OR10G8: variants seen among roughly 807,000 people sequenced by gnomAD.
OR10G8 encodes olfactory receptor 10G8.
For missense variants in OR10G8, 386 were observed against 384.9 expected, an observed-to-expected ratio of 1.00 and a Z score of -0.02; for synonymous variants, 173 against 163.2, an observed-to-expected ratio of 1.06 and a Z score of -0.46.
chr11:124,027,662 A>G (rs1447336052), intron 1 of OR10G8, among the ~76,000 whole-genome samples: 1 of 152,176 alleles, frequency 6.6e-6, no homozygotes, highest in African/African-American at 2.4e-5. Context: ...AAGTTCTGAT[A>G]TCCATGTTGG....
chr11:124,029,183 A>G (rs778832370), intron 1 of OR10G8, among the ~76,000 whole-genome samples: 2 of 152,154 alleles, frequency 1.3e-5, no homozygotes, highest in Non-Finnish European at 2.9e-5. Flanking sequence ...CAACAACCAC[A>G]AGAAGCTTGG....
rs1050622694 is a variant in OR10G8 at position 124,029,665 on chromosome 11, C to G, written c.43C>G (p.Leu15Val). The G allele has an allele frequency of 6.2e-7, 1 of 1,613,946 alleles. No individual in the cohort carries two copies. Among genetic ancestry groups the G allele is most frequent in the South Asian group, 1.1e-5 (1 of 91,072 alleles). ...SLLTAFILMG[L>V]PHAPALDAPL... is the part of the protein sequence containing the mutation. ...ACTGACAGCGTTCATCCTCATGGGC[C>G]TTCCCCATGCCCCAGCGCTGGACGC... Residue 15 changes from leucine (L) to valine (V), a missense_variant, in exon 2 of 2, where the codon CTT (leucine) becomes GTT (valine). Physicochemically the swap from Leu to Val is conservative, Grantham distance 32. Transcript: ENST00000641224.
chr11:124,029,377 G>A (rs371713016), intron 1 of OR10G8, among the ~76,000 whole-genome samples: 25 of 152,120 alleles, frequency 1.6e-4, no homozygotes, highest in Admixed American at 5.9e-4. Context: ...AAGACAATGC[G>A]TTTCTCCTAA....
At position 124,030,306 on chromosome 11, in the gene OR10G8, C is replaced by T. The variant is rs1446763092; in HGVS notation, c.684C>T (p.Arg228=). ...VSIVCSILRI[R]TSEGKHRAFQ... ...TCGTCTGTTCCATCCTGCGGATCCG[C>T]ACCTCAGAGGGGAAGCACAGAGCCT... Residue 228 remains arginine, a synonymous_variant, in exon 2 of 2, where the codon CGC becomes CGT. Coordinates refer to ENST00000641224, the MANE Select transcript of OR10G8 (RefSeq NM_001004464.2). The T allele has an allele frequency of 6.2e-7, 1 of 1,614,226 alleles. No homozygotes were observed. The highest frequency in any genetic ancestry group is 8.5e-7 in the Non-Finnish European group (1 of 1,180,036).
chr11:124,030,588 T>C lies in OR10G8; in HGVS notation c.*30T>C. 6.6e-7 allele frequency: 1 copy of C among 1,505,902 alleles called. No homozygotes were observed. The highest frequency in any genetic ancestry group is 8.9e-7 in the Non-Finnish European group (1 of 1,119,410). 93.3% of individuals were successfully genotyped at this position (1,505,902 alleles called of 1,614,324 possible). A position where few individuals can be genotyped will look rare whatever the true frequency, so the allele number is the denominator to read the frequency against. The stretch of plus-strand genomic sequence containing the variant: ...TAGGGAAGATTACATATCTTAGCTC[T>C]TGTGAATAGTGCTGTGAAAAACATA... On this transcript the variant is annotated 3_prime_UTR_variant, in exon 2 of 2. Coordinates refer to ENST00000641224, the MANE Select transcript of OR10G8 (RefSeq NM_001004464.2).
intron 1 of OR10G8, among the ~76,000 whole-genome samples, chr11:124,028,787 GT>G (rs140020370): frequency 4.6e-5 from 7 of 151,276 alleles, no homozygotes; most frequent in Admixed American, 1.3e-4. Flanking sequence ...AATTCTTGGT[GT>G]TTTTTTTTAA....
chr11:124,028,707 A>G (rs1170052083), intron 1 of OR10G8, among the ~76,000 whole-genome samples: 2 of 152,226 alleles, frequency 1.3e-5, no homozygotes, highest in Non-Finnish European at 2.9e-5. Flanking sequence ...GTCAAATAAC[A>G]TATGAGGAAA....
In OR10G8 at chr11:124,030,582, TA is replaced by T. The variant is rs1450142770; in HGVS notation, c.*25del. The T allele has an allele frequency of 2.6e-6, 4 of 1,527,358 alleles. No homozygotes were observed. The highest frequency in any genetic ancestry group is 3.5e-6 in the Non-Finnish European group (4 of 1,135,918). The allele number at this position is 1,527,358 out of a possible 1,614,324, so 94.6% of individuals were successfully genotyped here. A position where few individuals can be genotyped will look rare whatever the true frequency, so the allele number is the denominator to read the frequency against. On this transcript the variant is annotated 3_prime_UTR_variant, in exon 2 of 2. Coordinates refer to ENST00000641224, the MANE Select transcript of OR10G8 (RefSeq NM_001004464.2). ...AGACACTAGGGAAGATTACATATCT[TA>T]GCTCTTGTGAATAGTGCTGTGAAAA...
rs745497956 is a variant in OR10G8 at position 124,030,369 on chromosome 11, C to T, written c.747C>T (p.Cys249=). 1.9e-6 allele frequency: 3 copies of T among 1,614,162 alleles called. No homozygotes were observed. Among genetic ancestry groups the T allele is most frequent in the East Asian group, 4.5e-5 (2 of 44,866 alleles). ...TCASHCIVVL[C]FFGPGLFIYL... ...CCTCCCACTGTATCGTGGTCCTTTG[C>T]TTCTTTGGCCCTGGTCTTTTCATTT... Residue 249 remains cysteine, a synonymous_variant, in exon 2 of 2, where the codon TGC becomes TGT. Coordinates refer to ENST00000641224, the MANE Select transcript of OR10G8 (RefSeq NM_001004464.2).
chr11:124,029,576 G>C lies in OR10G8; in HGVS notation c.-27-20G>C. ...TTTCTCAATTAAGTGCTAAATGCTGGGTGCTCTTTATATTCCCAGAGGGAG... is the reference window on the plus strand; with the variant it reads ...TTTCTCAATTAAGTGCTAAATGCTGCGTGCTCTTTATATTCCCAGAGGGAG... On this transcript the variant is annotated intron_variant, in intron 1 of 1. Transcript: ENST00000641224. The C allele has an allele frequency of 6.4e-7, 1 of 1,572,968 alleles. No individual in the cohort carries two copies. The highest frequency in any genetic ancestry group is 1.2e-5 in the South Asian group (1 of 86,184).
At chr11:124,028,808 T>G (rs11219414) in intron 1 of OR10G8, among the ~76,000 whole-genome samples, 21,704 of 152,128 alleles carry the variant, frequency 0.14, 2,024 homozygotes, top group Non-Finnish European at 0.22. Flanking sequence ...AGTTTTCCCA[T>G]GAGCAAGGAA....
chr11:124,029,595 G>C lies in OR10G8; in HGVS notation c.-27-1G>C. 6 of 1,603,664 alleles carry C rather than the reference G, an allele frequency of 3.7e-6. No individual in the cohort carries two copies. The highest frequency in any genetic ancestry group is 5.1e-6 in the Non-Finnish European group (6 of 1,172,926). On this transcript the variant is annotated splice_acceptor_variant, in intron 1 of 1. Transcript: ENST00000641224. LOFTEE classifies it low-confidence loss of function (5UTR_SPLICE). ...ATGCTGGGTGCTCTTTATATTCCCA[G>C]AGGGAGAGAGACCAAGGGTGAGAAG...
chr11:124,028,662 T>C (rs555825330), intron 1 of OR10G8, among the ~76,000 whole-genome samples: 1 of 152,330 alleles, frequency 6.6e-6, no homozygotes, highest in East Asian at 1.9e-4. Context: ...ATTTAATGCT[T>C]ATAACTTCTC....
chr11:124,028,173 G>A (rs747841403), intron 1 of OR10G8, among the ~76,000 whole-genome samples: 1 of 152,340 alleles, frequency 6.6e-6, no homozygotes, highest in East Asian at 1.9e-4. Flanking sequence ...GGTAGAAGGA[G>A]TATGAAAGAC....
rs1358902101 is a variant in OR10G8 at position 124,030,497 on chromosome 11, A to G, written c.875A>G (p.Lys292Arg). 2.3e-5 allele frequency: 37 copies of G among 1,610,424 alleles called. No individual in the cohort carries two copies. Among genetic ancestry groups the G allele is most frequent in the Admixed American group, 3.4e-5 (2 of 59,028 alleles). Residue 292 changes from lysine (K) to arginine (R), a missense_variant, in exon 2 of 2, where the codon AAG (lysine) becomes AGG (arginine). Physicochemically the swap from Lys to Arg is conservative, Grantham distance 26 (BLOSUM62 2). Coordinates refer to ENST00000641224, the MANE Select transcript of OR10G8 (RefSeq NM_001004464.2). ...LNPVVYTLRNKEVKKALLKLK... is the reference protein window; with the variant it reads ...LNPVVYTLRNREVKKALLKLK... ...CCTGTTGTGTACACCCTGAGGAACA[A>G]GGAGGTGAAGAAAGCTCTGTTGAAG...
At chr11:124,028,840 A>G (rs1053461158) in intron 1 of OR10G8, among the ~76,000 whole-genome samples, 13 of 152,226 alleles carry the variant, frequency 8.5e-5, no homozygotes, top group African/African-American at 2.7e-4. Context: ...TGTGGTAGGT[A>G]GAATTTGCAG....
In OR10G8 at chr11:124,029,902, C is replaced by T. The variant is rs1201579222; in HGVS notation, c.280C>T (p.His94Tyr). 3.1e-6 allele frequency: 5 copies of T among 1,614,182 alleles called. No individual in the cohort carries two copies. Among genetic ancestry groups the T allele is most frequent in the East Asian group, 2.2e-5 (1 of 44,874 alleles). Residue 94 changes from histidine (H) to tyrosine (Y), a missense_variant, in exon 2 of 2, where the codon CAC (histidine) becomes TAC (tyrosine). Transcript: ENST00000641224. ...VFPSGRAISF[H>Y]SCMAQLYFFH... is the part of the protein sequence containing the mutation. ...CCCAAGTGGCAGGGCTATCTCCTTC[C>T]ACAGCTGCATGGCTCAGCTCTATTT...
In OR10G8 at chr11:124,030,330, C is replaced by T. The variant is rs959351652; in HGVS notation, c.708C>T (p.Ala236=). 2 of 1,614,108 alleles carry T rather than the reference C, an allele frequency of 1.2e-6. No homozygotes were observed. Among genetic ancestry groups the T allele is most frequent in the Non-Finnish European group, 1.7e-6 (2 of 1,180,028 alleles). ...RIRTSEGKHR[A]FQTCASHCIV... ...GCACCTCAGAGGGGAAGCACAGAGC[C>T]TTTCAGACCTGTGCCTCCCACTGTA... The change falls in exon 2 of 2, where the codon GCC becomes GCT. Residue 236 remains alanine, a synonymous_variant. Transcript: ENST00000641224.
chr11:124,027,101 C>A (rs1261426300), intron 1 of OR10G8, among the ~76,000 whole-genome samples: 1 of 152,170 alleles, frequency 6.6e-6, no homozygotes, highest in Non-Finnish European at 1.5e-5. Flanking sequence ...CATTTCCATT[C>A]CCTGCACTTC....
Sources: allele counts gnomAD v4.1 joint callset (sites outside exome capture counted in the v4.1 genomes callset), GRCh38; gene constraint gnomAD v4.1.1; transcripts MANE v1.5; gene names NCBI Gene and HGNC (gene_info 2026-07-23, HGNC 2026-07-21).